DCLRE1C: variants seen among roughly 807,000 people sequenced by gnomAD.
The protein encoded by DCLRE1C is DNA cross-link repair 1C.
In DCLRE1C, 47 loss-of-function variants were observed where a neutral mutation model predicts 61.4. That is an observed-to-expected ratio of 0.77 (90% CI 0.61 to 0.98). The LOEUF is 0.98. Ranked by LOEUF, DCLRE1C falls within the 50% of genes least tolerant of loss-of-function variation. The probability of loss-of-function intolerance (pLI) is 0.00; values close to 1 mark genes in which losing one functional copy is unlikely to be tolerated. For synonymous variants in DCLRE1C, 337 were observed against 287.6 expected, an observed-to-expected ratio of 1.17 and a Z score of -1.74; for missense variants, 858 against 816.0, an observed-to-expected ratio of 1.05 and a Z score of -0.63.
chr10:14,914,827 C>T (rs1219326832), intron 13 of DCLRE1C, among the ~76,000 whole-genome samples: 1 of 152,030 alleles, frequency 6.6e-6, no homozygotes, highest in African/African-American at 2.4e-5. Context: ...GTAATTCCAG[C>T]TACTTCGGAT....
chr10:14,899,325 A>T, intron 13 of DCLRE1C: 1 of 692,290 alleles, frequency 1.4e-6, no homozygotes, highest in Non-Finnish European at 2.6e-6. Flanking sequence ...GTTTAAAAAA[A>T]AAAGGTCATC....
intron 13 of DCLRE1C, among the ~76,000 whole-genome samples, chr10:14,918,773 T>G (rs188329155): frequency 1.1e-3 from 168 of 152,288 alleles, no homozygotes; most frequent in Admixed American, 2.7e-3. Context: ...TGGTTTTTTT[T>G]GGGCACCAGT....
At chr10:14,920,995 G>T (rs1300316525) in intron 12 of DCLRE1C, among the ~76,000 whole-genome samples, 1 of 139,516 alleles carries the variant, frequency 7.2e-6, no homozygotes, top group Non-Finnish European at 1.6e-5. Flanking sequence ...AAAAAAAAAA[G>T]ATGCAGGATA....
chr10:14,948,696 CA>C (rs1842027918), intron 2 of DCLRE1C, among the ~76,000 whole-genome samples: 1 of 151,490 alleles, frequency 6.6e-6, no homozygotes, highest in Middle Eastern at 3.2e-3. Flanking sequence ...GGCGACATAG[CA>C]AAACTCCATC....
intron 9 of DCLRE1C, among the ~76,000 whole-genome samples, chr10:14,931,789 A>G (rs973656166): frequency 1.3e-5 from 2 of 152,170 alleles, no homozygotes; most frequent in Admixed American, 1.3e-4. Flanking sequence ...CTGTAATCCC[A>G]ACACTTTGGA....
In DCLRE1C at chr10:14,907,352, C is replaced by T. The variant is rs181862612; in HGVS notation, c.*1056G>A. The stretch of plus-strand genomic sequence containing the variant: ...GTTTATGAGCAAAGATATGATCATG[C>T]TGAATGTTCCATGTGTACTTCAGGA... On this transcript the variant is annotated 3_prime_UTR_variant, in exon 14 of 14. Coordinates refer to ENST00000378278, the MANE Select transcript of DCLRE1C (RefSeq NM_001033855.3). Among the ~76,000 whole-genome samples, 2 of 150,754 alleles carry T rather than the reference C, an allele frequency of 1.3e-5. No homozygotes were observed. The highest frequency in any genetic ancestry group is 2.4e-5 in the African/African-American group (1 of 40,922).
intron 12 of DCLRE1C, 75 bp from the exon 13 acceptor site, chr10:14,919,907 A>G (rs936372610): frequency 4.8e-6 from 6 of 1,250,922 alleles, no homozygotes; most frequent in Non-Finnish European, 7.0e-6. Flanking sequence ...ATAGTATTAC[A>G]AATTTTTTTG....
In DCLRE1C at chr10:14,939,902, G is replaced by A. The variant is rs750851871; in HGVS notation, c.247-33C>T. On this transcript the variant is annotated intron_variant, in intron 3 of 13. Coordinates refer to ENST00000378278, the MANE Select transcript of DCLRE1C (RefSeq NM_001033855.3). ...AATAAAATAAGAGACCATGTATATA[G>A]CAGTTTTTCATGGCTTTATATGCCT... 4 of 1,536,640 alleles carry A rather than the reference G, an allele frequency of 2.6e-6. No individual in the cohort carries two copies. In the South Asian group the frequency reaches 4.7e-5, roughly 18 times the overall value.
chr10:14,921,362 CA>C (rs1837087431), intron 12 of DCLRE1C, among the ~76,000 whole-genome samples: 1 of 152,032 alleles, frequency 6.6e-6, no homozygotes, highest in African/African-American at 2.4e-5. Flanking sequence ...GATTCCTAAA[CA>C]CATCCAAGTT....
chr10:14,932,962 C>T lies in DCLRE1C; in HGVS notation c.679-7G>A, dbSNP rs774274135. 10 of 1,613,056 alleles carry T rather than the reference C, an allele frequency of 6.2e-6. No individual in the cohort carries two copies. The highest frequency in any genetic ancestry group is 8.5e-6 in the Non-Finnish European group (10 of 1,179,014). On this transcript the variant is annotated splice_polypyrimidine_tract_variant and splice_region_variant and intron_variant, in intron 8 of 13. Transcript: ENST00000378278. ...CTAGCTTATTCACATGAACCTAAGGCAAATAATACATACATGCAAATTATG... is the reference window on the plus strand; with the variant it reads ...CTAGCTTATTCACATGAACCTAAGGTAAATAATACATACATGCAAATTATG...
At chr10:14,927,939 G>T in intron 10 of DCLRE1C, 77 bp downstream of exon 10, 2 of 1,386,586 alleles carry the variant, frequency 1.4e-6, no homozygotes, top group Non-Finnish European at 2.0e-6. Flanking sequence ...GCTTAGGCTA[G>T]ACTGTGCTTA....
chr10:14,941,748 A>G (rs369371037), intron 3 of DCLRE1C, among the ~76,000 whole-genome samples: 166 of 152,088 alleles, frequency 1.1e-3, no homozygotes, highest in African/African-American at 3.9e-3. Flanking sequence ...GACACAGTAC[A>G]TGGTTAGTTT....
In DCLRE1C at chr10:14,906,158, C is replaced by T. The variant is rs1307949448; in HGVS notation, c.*2250G>A. On this transcript the variant is annotated 3_prime_UTR_variant, in exon 14 of 14. Coordinates refer to ENST00000378278, the MANE Select transcript of DCLRE1C (RefSeq NM_001033855.3). ...CAAACTGCCTGTGTTTGAATTCTGCCTGTGCCTCATAGCTATGTGAACTAA... is the reference window on the plus strand; with the variant it reads ...CAAACTGCCTGTGTTTGAATTCTGCTTGTGCCTCATAGCTATGTGAACTAA... Among the ~76,000 whole-genome samples, 1 of 152,178 alleles carries T rather than the reference C, an allele frequency of 6.6e-6. No homozygotes were observed. The highest frequency in any genetic ancestry group is 6.5e-5 in the Admixed American group (1 of 15,280).
intron 3 of DCLRE1C, 49 bp downstream of exon 3, chr10:14,945,056 A>C (rs1166725175): frequency 6.9e-7 from 1 of 1,441,726 alleles, no homozygotes; most frequent in Non-Finnish European, 9.6e-7. Flanking sequence ...TACCTCTAAA[A>C]ATACTTCCCA....
intron 9 of DCLRE1C, among the ~76,000 whole-genome samples, chr10:14,932,058 C>A (rs188083730): frequency 5.3e-5 from 8 of 150,884 alleles, no homozygotes; most frequent in Non-Finnish European, 1.0e-4. Flanking sequence ...ATAAATAAAT[C>A]AATAAAATTA....
At chr10:14,934,232 C>T (rs187870233) in intron 8 of DCLRE1C, 148 bp downstream of exon 8, 8 of 1,174,046 alleles carry the variant, frequency 6.8e-6, no homozygotes, top group African/African-American at 3.1e-5. Flanking sequence ...GGAGGCTGAG[C>T]CAGGAGAATT....
At chr10:14,927,211 G>A (rs1006247111) in intron 10 of DCLRE1C, among the ~76,000 whole-genome samples, 5 of 152,064 alleles carry the variant, frequency 3.3e-5, no homozygotes, top group Non-Finnish European at 7.4e-5. Flanking sequence ...GTGAAACTCT[G>A]TCTCTACTGA....
intron 12 of DCLRE1C, chr10:14,920,517 G>T: frequency 1.5e-6 from 1 of 673,492 alleles, no homozygotes; most frequent in Non-Finnish European, 1.8e-6. Flanking sequence ...CCCATTTTAC[G>T]TCCTCACCCC....
chr10:14,930,805 T>C (rs1054955256), intron 9 of DCLRE1C, among the ~76,000 whole-genome samples: 3 of 152,248 alleles, frequency 2.0e-5, no homozygotes, highest in Admixed American at 6.5e-5. Context: ...TGAATATATA[T>C]GTGTATTTAT....
Sources: gnomAD v4.1 joint callset for allele counts (sites outside exome capture counted in the v4.1 genomes callset) on GRCh38, gnomAD v4.1.1 for gene constraint, MANE v1.5 for transcripts, NCBI Gene and HGNC (gene_info 2026-07-23, HGNC 2026-07-21) for gene names.